STRBP: variants seen among roughly 807,000 people sequenced by gnomAD.
STRBP encodes spermatid perinuclear RNA binding protein, also known as spermatid perinuclear RNA-binding protein.
A neutral mutation model predicts 80.1 loss-of-function variants in STRBP; 13 were observed. That is an observed-to-expected ratio of 0.16 (90% CI 0.11 to 0.26). The LOEUF (loss-of-function observed/expected upper bound fraction) is 0.26, where lower values mean the gene tolerates loss of function less well. STRBP is among the 10% of genes least tolerant of loss of function. STRBP has a pLI of 1.00. For missense variants in STRBP, 485 were observed against 815.2 expected (o/e 0.59, Z 4.93); for synonymous variants, 284 against 291.2 (o/e 0.98, Z 0.25).
chr9:123,132,638 C>G (rs967018968), intron 17 of STRBP, among the ~76,000 whole-genome samples: 1 of 152,230 alleles, frequency 6.6e-6, no homozygotes, highest in East Asian at 1.9e-4. Context: ...CATCTGTCAT[C>G]TCCCTCCAGG....
intron 2 of STRBP, chr9:123,116,190 G>GA: frequency 2.3e-6 from 1 of 438,554 alleles, no homozygotes; most frequent in African/African-American, 2.0e-5. Flanking sequence ...GATTGCTCTG[G>GA]AAAATGTGTT....
chr9:123,120,488 G>A (rs1323781061), downstream of STRBP, among the ~76,000 whole-genome samples: 1 of 41,014 alleles, frequency 2.4e-5, no homozygotes, highest in East Asian at 9.9e-4. Context: ...CGGGCGGGGG[G>A]GTGGGGGGGG....
intron 2 of STRBP, among the ~76,000 whole-genome samples, chr9:123,233,568 A>G (rs1241166442): frequency 2.0e-5 from 3 of 152,256 alleles, no homozygotes; most frequent in Admixed American, 2.0e-4. Flanking sequence ...ACAGTTAATG[A>G]AAGATAATGT....
chr9:123,193,875 A>G (rs2039007454), intron 2 of STRBP, among the ~76,000 whole-genome samples: 1 of 152,198 alleles, frequency 6.6e-6, no homozygotes, highest in South Asian at 2.1e-4. Flanking sequence ...GTACCATTAA[A>G]TATAACTAAG....
rs142057297 is a variant in STRBP at position 123,112,542 on chromosome 9, G to A, written c.*85-2789C>T. 770 of 167,488 alleles carry A rather than the reference G, an allele frequency of 4.6e-3. 9 individuals are homozygous for A. Among genetic ancestry groups the A allele is most frequent in the South Asian group, 0.041 (200 of 4,832 alleles). The allele number at this position is 167,488 out of a possible 1,614,324, so 10.4% of individuals were successfully genotyped here. ...GCTCTGAACGGCAGCTCCCTTCAAC[G>A]TGCCTAGAAACCCCTCTGAGAGGAA... On this transcript the variant is annotated intron_variant and NMD_transcript_variant, in intron 3 of 3. Transcript: ENST00000471564.
At chr9:123,182,217 T>C (rs865950579) in intron 3 of STRBP, among the ~76,000 whole-genome samples, 1 of 69,766 alleles carries the variant, frequency 1.4e-5, no homozygotes, top group Non-Finnish European at 3.6e-5. Context: ...TCCGTTTCTT[T>C]AAAAAAAAAA....
chr9:123,183,366 G>A (rs1217391324), intron 3 of STRBP, among the ~76,000 whole-genome samples: 1 of 152,090 alleles, frequency 6.6e-6, no homozygotes, highest in South Asian at 2.1e-4. Context: ...GAACCTGGGA[G>A]ACGGAGGTTG....
At chr9:123,218,258 G>A (rs1301984727) in intron 2 of STRBP, among the ~76,000 whole-genome samples, 1 of 151,894 alleles carries the variant, frequency 6.6e-6, no homozygotes, top group Non-Finnish European at 1.5e-5. Context: ...GTTAGCTGAG[G>A]AGTGGACTGG....
chr9:123,255,871 T>C (rs1286053024), intron 1 of STRBP, among the ~76,000 whole-genome samples: 1 of 152,214 alleles, frequency 6.6e-6, no homozygotes, highest in Non-Finnish European at 1.5e-5. Context: ...CCTCCTGATC[T>C]CACTTCTCTT....
chr9:123,267,018 C>T (rs2041282233), intron 1 of STRBP, among the ~76,000 whole-genome samples: 2 of 151,720 alleles, frequency 1.3e-5, no homozygotes, highest in Admixed American at 1.3e-4. Flanking sequence ...TCCCCTCCAC[C>T]TTCCTCCTCC....
At chr9:123,261,049 T>C (rs1315757671) in intron 1 of STRBP, among the ~76,000 whole-genome samples, 1 of 152,182 alleles carries the variant, frequency 6.6e-6, no homozygotes, top group Non-Finnish European at 1.5e-5. Flanking sequence ...AGGAGAGAGA[T>C]CTACAACTAG....
At chr9:123,179,703 C>T (rs1314088777) in intron 3 of STRBP, among the ~76,000 whole-genome samples, 2 of 152,116 alleles carry the variant, frequency 1.3e-5, no homozygotes, top group Non-Finnish European at 2.9e-5. Context: ...GAGATCACAC[C>T]ACTGCATTCC....
At chr9:123,240,428 G>A (rs985416494) in intron 1 of STRBP, among the ~76,000 whole-genome samples, 35 of 152,088 alleles carry the variant, frequency 2.3e-4, no homozygotes, top group Admixed American at 1.9e-3. Context: ...ACACAGAGAC[G>A]TATTTTACTA....
chr9:123,255,205 G>A (rs1039233712), intron 1 of STRBP, among the ~76,000 whole-genome samples: 2 of 152,116 alleles, frequency 1.3e-5, no homozygotes, highest in African/African-American at 4.8e-5. Context: ...GATATCTTCT[G>A]GTATTTTGTT....
intron 18 of STRBP, among the ~76,000 whole-genome samples, chr9:123,127,790 G>T (rs2035955805): frequency 2.6e-5 from 4 of 152,206 alleles, no homozygotes; most frequent in Admixed American, 2.0e-4. Context: ...CAAATTTGAA[G>T]TGAGCAGTTC....
chr9:123,149,141 T>A (rs1447976724), intron 11 of STRBP, among the ~76,000 whole-genome samples: 1 of 152,228 alleles, frequency 6.6e-6, no homozygotes, highest in African/African-American at 2.4e-5. Context: ...TCCAGATTCT[T>A]CTAGTGAAAG....
chr9:123,259,076 G>GGGT (rs2041104335), intron 1 of STRBP, among the ~76,000 whole-genome samples: 1 of 128,760 alleles, frequency 7.8e-6, no homozygotes, highest in Admixed American at 9.2e-5. Flanking sequence ...AAAAAAAAAA[G>GGGT]GGGGGGGGAT....
At chr9:123,244,880 T>C (rs187956184) in intron 1 of STRBP, among the ~76,000 whole-genome samples, 2 of 152,328 alleles carry the variant, frequency 1.3e-5, no homozygotes, top group Admixed American at 6.5e-5. Context: ...TTAACAGTAA[T>C]AGCCAATATG....
At chr9:123,224,635 A>G (rs2040177619) in intron 2 of STRBP, among the ~76,000 whole-genome samples, 1 of 152,246 alleles carries the variant, frequency 6.6e-6, no homozygotes, top group Non-Finnish European at 1.5e-5. Flanking sequence ...TAATAACATT[A>G]TAGGAAAGAG....
Sources: gnomAD v4.1 joint callset for allele counts (sites outside exome capture counted in the v4.1 genomes callset) on GRCh38, gnomAD v4.1.1 for gene constraint, MANE v1.5 for transcripts, NCBI Gene and HGNC (gene_info 2026-07-23, HGNC 2026-07-21) for gene names.